Variants in FAF1 observed in about 807,000 individuals in gnomAD.
FAF1 encodes the protein Fas associated factor 1, also known as FAS-associated factor 1.
FAF1 carries 25 observed loss-of-function variants against 92.5 expected under a neutral mutation model. The observed-to-expected ratio is 0.27, with a 90% CI of 0.20 to 0.38. The LOEUF (loss-of-function observed/expected upper bound fraction) is 0.38. Among genes scored for constraint, FAF1 ranks in the 10% least tolerant of loss-of-function variants. The probability of loss-of-function intolerance (pLI) is 1.00; values close to 1 mark genes in which losing one functional copy is unlikely to be tolerated. For synonymous variants in FAF1, 234 were observed against 273.2 expected (o/e 0.86, Z 1.42); for missense variants, 636 against 793.3 (o/e 0.80, Z 2.38).
chr1:50,671,095 C>T (rs1302960920), intron 7 of FAF1, among the ~76,000 whole-genome samples: 1 of 151,866 alleles, frequency 6.6e-6, no homozygotes, highest in African/African-American at 2.4e-5. Context: ...ATAGTCTAAA[C>T]ATTCTTAGTT....
chr1:50,799,081 GAATTATAGGCGT>G (rs1304197037), intron 3 of FAF1, among the ~76,000 whole-genome samples: 1 of 152,140 alleles, frequency 6.6e-6, no homozygotes, highest in Admixed American at 6.5e-5. Context: ...CAAAGTGCTG[GAATTATAGGCGT>G]GAGCTACCAC....
chr1:50,780,530 A>G (rs533254765), intron 4 of FAF1: 19 of 195,782 alleles, frequency 9.7e-5, no homozygotes, highest in Non-Finnish European at 1.0e-4. Flanking sequence ...ACGGAAACCA[A>G]TGATCTTTGA....
intron 15 of FAF1, among the ~76,000 whole-genome samples, chr1:50,503,214 T>C (rs972022433): frequency 1.3e-5 from 2 of 152,190 alleles, no homozygotes; most frequent in African/African-American, 4.8e-5. Flanking sequence ...TGTTAATAAT[T>C]GCTAAATGGT....
intron 9 of FAF1, among the ~76,000 whole-genome samples, chr1:50,590,487 A>C (rs919448186): frequency 6.6e-6 from 1 of 152,096 alleles, no homozygotes; most frequent in Non-Finnish European, 1.5e-5. Flanking sequence ...TTGTGTGTTG[A>C]CTTTGTATCT....
chr1:50,494,400 G>A (rs1646875260), intron 15 of FAF1, among the ~76,000 whole-genome samples: 2 of 152,180 alleles, frequency 1.3e-5, no homozygotes, highest in African/African-American at 4.8e-5. Context: ...CCTTGTAGAG[G>A]TTCCCTTTGC....
intron 4 of FAF1, among the ~76,000 whole-genome samples, chr1:50,755,431 G>A (rs113611257): frequency 0.066 from 10,079 of 152,238 alleles, 413 homozygotes; most frequent in East Asian, 0.094. Context: ...GGGCAGCTCC[G>A]CCCTTGTGGC....
chr1:50,660,895 T>C (rs1450209277), intron 7 of FAF1, among the ~76,000 whole-genome samples: 1 of 152,128 alleles, frequency 6.6e-6, no homozygotes. Context: ...GAATAAAACA[T>C]GATCGTTTCT....
intron 8 of FAF1, among the ~76,000 whole-genome samples, chr1:50,621,460 C>T (rs566372269): frequency 8.1e-6 from 1 of 123,230 alleles, no homozygotes; most frequent in Admixed American, 1.1e-4. Context: ...AGTGTAGTGG[C>T]GGGATCTCAG....
chr1:50,598,661 C>T (rs1190748795), intron 8 of FAF1, among the ~76,000 whole-genome samples: 1 of 152,034 alleles, frequency 6.6e-6, no homozygotes, highest in Non-Finnish European at 1.5e-5. Flanking sequence ...GTGTTAAGAA[C>T]ATACTGTGCT....
At chr1:50,831,758 T>A (rs1644154836) in intron 2 of FAF1, among the ~76,000 whole-genome samples, 1 of 147,080 alleles carries the variant, frequency 6.8e-6, no homozygotes, top group Non-Finnish European at 1.5e-5. Context: ...TACATAATGT[T>A]GGATTATGGT....
intron 8 of FAF1, among the ~76,000 whole-genome samples, chr1:50,631,717 CA>C (rs1484366995): frequency 6.6e-6 from 1 of 152,164 alleles, no homozygotes; most frequent in African/African-American, 2.4e-5. Context: ...TGCTGCACCC[CA>C]AAGTGCAAAA....
chr1:50,745,132 C>T (rs1332987274), intron 4 of FAF1, among the ~76,000 whole-genome samples: 3 of 151,962 alleles, frequency 2.0e-5, no homozygotes, highest in Admixed American at 2.0e-4. Flanking sequence ...AACCCTGTCT[C>T]TATTAAAAAT....
chr1:50,468,270 A>G (rs1021117260), intron 18 of FAF1, among the ~76,000 whole-genome samples: 1 of 152,160 alleles, frequency 6.6e-6, no homozygotes, highest in Non-Finnish European at 1.5e-5. Flanking sequence ...ATATAAAATT[A>G]TTATATGACA....
intron 18 of FAF1, among the ~76,000 whole-genome samples, chr1:50,449,070 A>C (rs1403724941): frequency 2.6e-5 from 4 of 152,176 alleles, no homozygotes; most frequent in Non-Finnish European, 5.9e-5. Context: ...ATTATTCTTA[A>C]AGAGATGCTT....
intron 8 of FAF1, among the ~76,000 whole-genome samples, chr1:50,638,592 C>T (rs987393296): frequency 1.3e-5 from 2 of 151,918 alleles, no homozygotes; most frequent in African/African-American, 4.8e-5. Context: ...TACAGACGCC[C>T]ACCACCATGC....
At chr1:50,570,626 A>G (rs977954285) in intron 12 of FAF1, among the ~76,000 whole-genome samples, 7 of 152,242 alleles carry the variant, frequency 4.6e-5, no homozygotes, top group Non-Finnish European at 7.3e-5. Context: ...GGTACCCCAA[A>G]GTAGCTTTCA....
chr1:50,618,095 G>A (rs1026000598), intron 8 of FAF1, among the ~76,000 whole-genome samples: 4 of 151,656 alleles, frequency 2.6e-5, no homozygotes, highest in South Asian at 4.2e-4. Flanking sequence ...TTATTTTTTC[G>A]AAGAGCCAAC....
At chr1:50,510,373 G>C (rs1424537589) in intron 15 of FAF1, among the ~76,000 whole-genome samples, 1 of 152,014 alleles carries the variant, frequency 6.6e-6, no homozygotes, top group Non-Finnish European at 1.5e-5. Context: ...TTCCCCTAAG[G>C]ACTGTTTAGG....
chr1:50,536,259 T>C (rs1368859685), intron 14 of FAF1, among the ~76,000 whole-genome samples: 3 of 152,192 alleles, frequency 2.0e-5, no homozygotes, highest in African/African-American at 7.2e-5. Context: ...ATATAGCACA[T>C]ATGTGCCATT....
Sources: gnomAD v4.1 joint callset for allele counts (sites outside exome capture counted in the v4.1 genomes callset) on GRCh38, gnomAD v4.1.1 for gene constraint, MANE v1.5 for transcripts, NCBI Gene and HGNC (gene_info 2026-07-23, HGNC 2026-07-21) for gene names.